The following CNST variants were observed in gnomAD, a reference collection of about 807,000 sequenced individuals.
CNST encodes the protein consortin.
In CNST, 39 loss-of-function variants were observed where a neutral mutation model predicts 72.4. The observed-to-expected ratio is 0.54, with a 90% CI of 0.42 to 0.70. The LOEUF (loss-of-function observed/expected upper bound fraction) is 0.70, where lower values mean the gene tolerates loss of function less well. CNST is among the 30% of genes least tolerant of loss of function. The pLI is 0.00. For synonymous variants in CNST, 332 were observed against 320.1 expected, an observed-to-expected ratio of 1.04 and a Z score of -0.40; for missense variants, 871 against 868.5, an observed-to-expected ratio of 1.00 and a Z score of -0.04.
chr1:246,658,940 T>C (rs563909884), intron 9 of CNST, among the ~76,000 whole-genome samples: 2 of 152,330 alleles, frequency 1.3e-5, no homozygotes, highest in Admixed American at 6.5e-5. Context: ...TCCTGCACCT[T>C]GGAGTCTGTT....
intron 5 of CNST, 61 bp from the exon 6 acceptor site, chr1:246,634,412 G>GC (rs1553381387): frequency 1.0e-6 from 1 of 986,402 alleles, no homozygotes; most frequent in Non-Finnish European, 1.5e-6. Flanking sequence ...CTGTTTGTTT[G>GC]TTTTTTTGCT....
chr1:246,566,660 C>T lies in CNST; in HGVS notation c.-55C>T, dbSNP rs1659701581. ...GTAGCCCTCCTTGCGCCTCCGATTCCCAGGTGAGGAGAGGAGGAGCGGGAT... is the reference window on the plus strand; with the variant it reads ...GTAGCCCTCCTTGCGCCTCCGATTCTCAGGTGAGGAGAGGAGGAGCGGGAT... On this transcript the variant is annotated 5_prime_UTR_variant, in exon 1 of 11. Coordinates refer to ENST00000366513, the MANE Select transcript of CNST (RefSeq NM_152609.3). 2.5e-6 allele frequency: 1 copy of T among 402,270 alleles called. No individual in the cohort carries two copies. The highest frequency in any genetic ancestry group is 2.1e-5 in the African/African-American group (1 of 48,774). 24.9% of individuals were successfully genotyped at this position (402,270 alleles called of 1,614,324 possible).
chr1:246,645,361 AT>A (rs1665977306), intron 8 of CNST, among the ~76,000 whole-genome samples: 6 of 150,182 alleles, frequency 4.0e-5, no homozygotes, highest in Admixed American at 4.0e-4. Context: ...TTTCTCTTTT[AT>A]TTTCACCTTT....
rs749924984 is a variant in CNST, at chr1:246,647,155, C to T, written c.954C>T (p.Leu318=). 9 of 1,610,020 alleles carry T rather than the reference C, an allele frequency of 5.6e-6. No homozygotes were observed. Among genetic ancestry groups the T allele is most frequent in the East Asian group, 4.5e-5 (2 of 44,856 alleles). Residue 318 remains leucine, a synonymous_variant, in exon 9 of 11, where the codon CTC becomes CTT. Transcript: ENST00000366513. ...TTKESESKTC[L]GTESSKESQH... The stretch of plus-strand genomic sequence containing the variant: ...CATCTTTAGAGAGTAAAACTTGTCT[C>T]GGCACAGAGTCAAGTAAAGAAAGCC...
At position 246,647,960 on chromosome 1, in the gene CNST, A is replaced by G. The variant is rs1166728602; in HGVS notation, c.1759A>G (p.Ser587Gly). The G allele has an allele frequency of 6.2e-7, 1 of 1,613,822 alleles. No individual in the cohort carries two copies. The highest frequency in any genetic ancestry group is 1.3e-5 in the African/African-American group (1 of 75,078). ...TCTCTCTCCTGAAGAAGCATCCTAT[A>G]GTCTCCAGGAGAATCTGCCTTCTGA... The part of the protein sequence containing the change: ...QDLSPEEASY[S>G]LQENLPSDES... The change falls in exon 9 of 11, where the codon AGT (serine) becomes GGT (glycine). Residue 587 changes from serine (S) to glycine (G), a missense_variant. Coordinates refer to ENST00000366513, the MANE Select transcript of CNST (RefSeq NM_152609.3).
At chr1:246,656,911 C>G (rs1194047559) in intron 9 of CNST, among the ~76,000 whole-genome samples, 1 of 152,148 alleles carries the variant, frequency 6.6e-6, no homozygotes. Context: ...GCCTGGGCAA[C>G]AGAGTGCGAC....
At chr1:246,648,086 CAT>C (rs1666229513) in intron 9 of CNST, 49 bp downstream of exon 9, 2 of 1,540,912 alleles carry the variant, frequency 1.3e-6, no homozygotes, top group Non-Finnish European at 1.7e-6. Flanking sequence ...ATTTAAAAAA[CAT>C]ATATATGTAT....
chr1:246,590,164 G>C (rs946182310), intron 1 of CNST, among the ~76,000 whole-genome samples: 10 of 152,076 alleles, frequency 6.6e-5, no homozygotes, highest in Non-Finnish European at 1.5e-5. Context: ...AGAAATCCTT[G>C]GCCCTTTTAA....
intron 4 of CNST, chr1:246,632,169 A>G (rs1036609064): frequency 2.2e-5 from 8 of 371,414 alleles, no homozygotes; most frequent in Admixed American, 1.8e-4. Flanking sequence ...TTTTACTAAA[A>G]TAAGTATTTG....
intron 10 of CNST, among the ~76,000 whole-genome samples, chr1:246,664,400 G>A (rs562343855): frequency 6.6e-6 from 1 of 151,954 alleles, no homozygotes; most frequent in East Asian, 1.9e-4. Flanking sequence ...TGTTGTCCCG[G>A]AATTGCATTC....
chr1:246,589,457 T>A lies in CNST; in HGVS notation c.-51-2055T>A, dbSNP rs570502838. Reference sequence around the variant, plus strand: ...AAGGACATGAACTCATCATTTTTTATGGATGCATAGTATTCCATGGTGTAT... The same window carrying A: ...AAGGACATGAACTCATCATTTTTTAAGGATGCATAGTATTCCATGGTGTAT... On this transcript the variant is annotated intron_variant, in intron 1 of 10. Transcript: ENST00000366513. Among the ~76,000 whole-genome samples the A allele has an allele frequency of 1.1e-4, 17 of 152,086 alleles. 1 individual carries two copies. Among genetic ancestry groups the A allele is most frequent in the African/African-American group, 4.1e-4 (17 of 41,496 alleles).
intron 1 of CNST, among the ~76,000 whole-genome samples, chr1:246,578,702 T>C (rs1379007168): frequency 6.6e-6 from 1 of 152,146 alleles, no homozygotes; most frequent in Non-Finnish European, 1.5e-5. Context: ...AAATTATAAT[T>C]GGCCTCTTCT....
intron 5 of CNST, 99 bp downstream of exon 5, chr1:246,634,109 T>G: frequency 1.3e-6 from 1 of 793,368 alleles, no homozygotes; most frequent in Non-Finnish European, 2.1e-6. Flanking sequence ...AATCAGAAAA[T>G]AGATGTTTCC....
intron 1 of CNST, among the ~76,000 whole-genome samples, chr1:246,582,542 T>A (rs1660864935): frequency 6.6e-6 from 1 of 152,066 alleles, no homozygotes; most frequent in Non-Finnish European, 1.5e-5. Flanking sequence ...CTTCTCCCCT[T>A]TACCCCCTAG....
At chr1:246,574,312 A>G (rs1041079548) in intron 1 of CNST, among the ~76,000 whole-genome samples, 1 of 152,210 alleles carries the variant, frequency 6.6e-6, no homozygotes, top group Non-Finnish European at 1.5e-5. Flanking sequence ...AAGTGTTGGG[A>G]TTACAGGCGT....
intron 9 of CNST, among the ~76,000 whole-genome samples, chr1:246,651,357 C>A (rs1247253071): frequency 2.6e-5 from 4 of 152,164 alleles, no homozygotes; most frequent in Non-Finnish European, 5.9e-5. Context: ...TCTCTTACTT[C>A]CCTCTTTCTA....
chr1:246,612,907 C>T (rs536118489), intron 2 of CNST, among the ~76,000 whole-genome samples: 1 of 152,164 alleles, frequency 6.6e-6, no homozygotes, highest in South Asian at 2.1e-4. Context: ...TATAACACTC[C>T]AAACTCAGTG....
At chr1:246,653,003 CA>C (rs201486368) in intron 9 of CNST, among the ~76,000 whole-genome samples, 3,259 of 101,388 alleles carry the variant, frequency 0.032, 99 homozygotes, top group African/African-American at 0.098. Flanking sequence ...GACTCTGTCT[CA>C]AAAAAAAAAA....
intron 1 of CNST, among the ~76,000 whole-genome samples, chr1:246,578,314 G>T (rs533479218): frequency 6.6e-6 from 1 of 152,076 alleles, no homozygotes; most frequent in Non-Finnish European, 1.5e-5. Flanking sequence ...TTTAAAATAA[G>T]CTCTAAAATT....
Sources: allele counts gnomAD v4.1 joint callset (sites outside exome capture counted in the v4.1 genomes callset), GRCh38; gene constraint gnomAD v4.1.1; transcripts MANE v1.5; gene names NCBI Gene and HGNC (gene_info 2026-07-23, HGNC 2026-07-21).